ACTB: variants seen among roughly 807,000 people sequenced by gnomAD.
ACTB encodes actin beta, also known as actin, cytoplasmic 1.
In ACTB, 2 loss-of-function variants were observed where a neutral mutation model predicts 30.5. The ratio of observed to expected loss-of-function variants is 0.07; its 90% CI spans 0.03 to 0.21. The LOEUF is 0.21. Ranked by LOEUF, ACTB falls within the 10% of genes least tolerant of loss-of-function variation. ACTB has a pLI of 1.00. For missense variants in ACTB, 56 were observed against 530.0 expected (o/e 0.11, Z 8.78); for synonymous variants, 335 against 217.6 (o/e 1.54, Z -4.75).
At position 5,528,773 on chromosome 7, in the gene ACTB, G is replaced by A. The variant is rs1267177824; in HGVS notation, c.364-54C>T. 48 of 1,586,718 alleles carry A rather than the reference G, an allele frequency of 3.0e-5. No individual in the cohort carries two copies. In the East Asian group the frequency reaches 1.0e-3, roughly 33 times the overall value. ...CTGGGGAAGCCACTGGGGACAGCCA[G>A]GCCAGACGGGGGACATGCAGAAAGT... is the stretch of plus-strand genomic sequence containing the variant. On this transcript the variant is annotated intron_variant, in intron 3 of 5. Coordinates refer to ENST00000646664, the MANE Select transcript of ACTB (RefSeq NM_001101.5).
Position 5,528,058 on chromosome 7 carries a change from G to A in ACTB, c.930C>T (p.Ala310=), listed in dbSNP as rs34792388. ...CAGTGATCTCCTTCTGCATCCTGTC[G>A]GCAATGCCAGGGTACATGGTGGTGC... ...SGGTTMYPGI[A]DRMQKEITAL... is the part of the protein sequence containing the mutation. Residue 310 remains alanine (A), a synonymous_variant, in exon 5 of 6, where the codon GCC becomes GCT. Coordinates refer to ENST00000646664, the MANE Select transcript of ACTB (RefSeq NM_001101.5). The A allele has an allele frequency of 1.9e-5, 31 of 1,614,080 alleles. No homozygotes were observed. The African/African-American group carries it at 2.0e-4, about 10-fold the overall frequency.
chr7:5,530,173 G>A (rs910870002), intron 1 of ACTB, among the ~76,000 whole-genome samples: 2 of 151,978 alleles, frequency 1.3e-5, no homozygotes, highest in African/African-American at 4.8e-5. Flanking sequence ...GCGCGCACGC[G>A]CAATGGCGCC....
At position 5,527,566 on chromosome 7, in the gene ACTB, C is replaced by T. The variant is rs1285674310; in HGVS notation, c.*182G>A. The stretch of plus-strand genomic sequence containing the variant: ...CACATTGTGAACTTTGGGGGATGCT[C>T]GCTCCAACCGACTGCTGTCACCTTC... On this transcript the variant is annotated 3_prime_UTR_variant, in exon 6 of 6. Transcript: ENST00000646664. 4.4e-5 allele frequency: 43 copies of T among 979,416 alleles called. No individual in the cohort carries two copies. The South Asian group carries it at 5.3e-4, about 12-fold the overall frequency. 60.7% of individuals were successfully genotyped at this position (979,416 alleles called of 1,614,324 possible).
chr7:5,530,349 G>T lies in ACTB; in HGVS notation c.-7+175C>A, dbSNP rs962931135. On this transcript the variant is annotated intron_variant, in intron 1 of 5. Transcript: ENST00000646664. ...CCTCGCGCCTCCGAACTGGCGTGGG[G>T]TGTCCCCCATCTCCGGAGGCCCAGG... Among the ~76,000 whole-genome samples, 3 of 152,162 alleles carry T rather than the reference G, an allele frequency of 2.0e-5. No homozygotes were observed. The East Asian group carries it at 5.8e-4, about 29-fold the overall frequency.
intron 1 of ACTB, 198 bp from the exon 2 acceptor site, chr7:5,529,861 GC>G: frequency 1.1e-6 from 1 of 911,846 alleles, no homozygotes; most frequent in Non-Finnish European, 1.7e-6. Flanking sequence ...AGGAAGCCAG[GC>G]CCCAACCCCC....
chr7:5,527,671 A>T lies in ACTB; in HGVS notation c.*77T>A. 1 of 1,597,606 alleles carries T rather than the reference A, an allele frequency of 6.3e-7. No individual in the cohort carries two copies. ...CAAAACAAAAAAAACAAATAAAGCC[A>T]TGCCAATCTCATCTTGTTTTCTGCG... On this transcript the variant is annotated 3_prime_UTR_variant, in exon 6 of 6. Transcript: ENST00000646664.
At chr7:5,527,961 C>G (rs369552329) in intron 5 of ACTB, 43 bp downstream of exon 5, 62 of 1,613,020 alleles carry the variant, frequency 3.8e-5, no homozygotes, top group East Asian at 2.9e-4. Flanking sequence ...CAGGACCCCA[C>G]AGCCGACCTG....
intron 3 of ACTB, 47 bp downstream of exon 3, chr7:5,529,114 C>A (rs962058369): frequency 4.3e-6 from 7 of 1,613,464 alleles, no homozygotes; most frequent in Non-Finnish European, 5.1e-6. Context: ...CTCCGGGAGG[C>A]CAGGAAGGAG....
chr7:5,527,974 C>G, intron 5 of ACTB, 30 bp downstream of exon 5: 1 of 1,613,172 alleles, frequency 6.2e-7, no homozygotes, highest in Non-Finnish European at 8.5e-7. Context: ...CCGACCTGCC[C>G]AGGTCAGCTC....
chr7:5,529,048 G>T, intron 3 of ACTB, 113 bp downstream of exon 3: 1 of 1,612,948 alleles, frequency 6.2e-7, no homozygotes, highest in African/African-American at 1.3e-5. Flanking sequence ...ACTCAGGTCA[G>T]AGAAGAGAGT....
intron 3 of ACTB, chr7:5,528,945 A>G (rs539655447): frequency 2.2e-5 from 33 of 1,532,456 alleles, no homozygotes; most frequent in Admixed American, 9.9e-5. Context: ...CTACACCCAC[A>G]ACACTGTCTT....
chr7:5,530,259 C>T (rs934997174), intron 1 of ACTB, among the ~76,000 whole-genome samples: 1 of 152,004 alleles, frequency 6.6e-6, no homozygotes, highest in South Asian at 2.1e-4. Flanking sequence ...CCGGCTCAGA[C>T]AAAGACCCCG....
rs1584263374 is a variant in ACTB, at chr7:5,529,586, G to A, written c.72C>T (p.Asp24=). The A allele has an allele frequency of 3.1e-6, 5 of 1,611,524 alleles. No individual in the cohort carries two copies. Among genetic ancestry groups the A allele is most frequent in the Non-Finnish European group, 2.5e-6 (3 of 1,179,614 alleles). Residue 24 remains aspartate, a synonymous_variant, in exon 2 of 6, where the codon GAC becomes GAT. Coordinates refer to ENST00000646664, the MANE Select transcript of ACTB (RefSeq NM_001101.5). The part of the protein sequence containing the change: ...SGMCKAGFAG[D]DAPRAVFPSI... ...AGGGGAAGACGGCCCGGGGGGCATC[G>A]TCGCCCGCGAAGCCGGCCTTGCACA...
chr7:5,529,114 C>T (rs962058369), intron 3 of ACTB, 47 bp downstream of exon 3: 2 of 1,613,580 alleles, frequency 1.2e-6, no homozygotes. Flanking sequence ...CTCCGGGAGG[C>T]CAGGAAGGAG....
At chr7:5,528,937 A>G in intron 3 of ACTB, 1 of 1,511,122 alleles carries the variant, frequency 6.6e-7, no homozygotes, top group Non-Finnish European at 9.0e-7. Context: ...GTTAGTACCT[A>G]CACCCACAAC....
At chr7:5,530,176 A>G (rs1023920756) in intron 1 of ACTB, among the ~76,000 whole-genome samples, 20 of 151,946 alleles carry the variant, frequency 1.3e-4, no homozygotes, top group African/African-American at 4.8e-4. Flanking sequence ...CGCACGCGCA[A>G]TGGCGCCCCA....
At chr7:5,529,805 C>G (rs533676634) in intron 1 of ACTB, 142 bp from the exon 2 acceptor site, 1 of 1,365,130 alleles carries the variant, frequency 7.3e-7, no homozygotes, top group Non-Finnish European at 1.0e-6. Flanking sequence ...CGCGTTATTA[C>G]CATAAAAGGC....
chr7:5,529,583 A>G lies in ACTB; in HGVS notation c.75T>C (p.Asp25=), dbSNP rs773087350. Residue 25 remains aspartate, a synonymous_variant, in exon 2 of 6, where the codon GAT becomes GAC. Coordinates refer to ENST00000646664, the MANE Select transcript of ACTB (RefSeq NM_001101.5). The part of the protein sequence containing the change: ...GMCKAGFAGD[D]APRAVFPSIV... Reference sequence around the variant, plus strand: ...TGGAGGGGAAGACGGCCCGGGGGGCATCGTCGCCCGCGAAGCCGGCCTTGC... The same window carrying G: ...TGGAGGGGAAGACGGCCCGGGGGGCGTCGTCGCCCGCGAAGCCGGCCTTGC... 6.2e-7 allele frequency: 1 copy of G among 1,611,520 alleles called. No individual in the cohort carries two copies. The highest frequency in any genetic ancestry group is 2.2e-5 in the East Asian group (1 of 44,864).
chr7:5,528,728 CAG>C lies in ACTB; in HGVS notation c.364-11_364-10del. On this transcript the variant is annotated splice_polypyrimidine_tract_variant and intron_variant, in intron 3 of 5. Coordinates refer to ENST00000646664, the MANE Select transcript of ACTB (RefSeq NM_001101.5). Reference sequence around the variant, plus strand: ...AAGGTCTCAAACATGATCTGTAAGGCAGAGATACACCATGTCACACTGGGGAA... The same window carrying C: ...AAGGTCTCAAACATGATCTGTAAGGCAGATACACCATGTCACACTGGGGAA... The C allele has an allele frequency of 6.2e-7, 1 of 1,612,616 alleles. No homozygotes were observed. The highest frequency in any genetic ancestry group is 8.5e-7 in the Non-Finnish European group (1 of 1,179,182).
Sources: gnomAD v4.1 joint callset for allele counts (sites outside exome capture counted in the v4.1 genomes callset) on GRCh38, gnomAD v4.1.1 for gene constraint, MANE v1.5 for transcripts, NCBI Gene and HGNC (gene_info 2026-07-23, HGNC 2026-07-21) for gene names.